Variants in OVGP1 observed in about 807,000 individuals in gnomAD.
The protein encoded by OVGP1 is oviduct-specific glycoprotein.
Under a neutral mutation model 48.2 loss-of-function variants are expected in OVGP1, and 26 were observed. That is an observed-to-expected ratio of 0.54 (90% CI 0.40 to 0.75). OVGP1 has a LOEUF of 0.75. Ranked by LOEUF, OVGP1 falls within the 30% of genes least tolerant of loss-of-function variation. OVGP1 has a pLI of 0.00. For synonymous variants in OVGP1, 294 were observed against 305.7 expected (o/e 0.96, Z 0.40); for missense variants, 791 against 820.6 (o/e 0.96, Z 0.44).
Position 111,414,633 on chromosome 1 carries a change from G to A in OVGP1, c.1868C>T (p.Ser623Phe). The change falls in exon 11 of 11, where the codon TCC becomes TTC. Residue 623 changes from serine (S) to phenylalanine (F), a missense_variant. Ser to Phe is a radical substitution (Grantham distance 155, BLOSUM62 -2). Coordinates refer to ENST00000369732, the MANE Select transcript of OVGP1 (RefSeq NM_002557.4). ...CGGGAGCTGGATGACGGGGCTGGAG[G>A]ACAGCATCATCCTGTTTTCAGCTTC... ...QMEAENRMML[S>F]SSPVIQLPEQ... is the part of the protein sequence containing the mutation. 6.2e-7 allele frequency: 1 copy of A among 1,614,192 alleles called. No homozygotes were observed. The highest frequency in any genetic ancestry group is 8.5e-7 in the Non-Finnish European group (1 of 1,180,026).
rs113457355 is a variant in OVGP1, at chr1:111,414,484, C to G, written c.2017G>C (p.Ala673Pro). ...GGGGCTTAGGCTTCTTCATCCACAG[C>G]AGAGTTTTCTGGGATTTCTTTTTTT... is the stretch of plus-strand genomic sequence containing the variant. ...SLKKEIPENSAVDEEA is the reference protein window; with the variant it reads ...SLKKEIPENSPVDEEA The change falls in exon 11 of 11, where the codon GCT (alanine) becomes CCT (proline). Residue 673 changes from alanine to proline, a missense_variant. Coordinates refer to ENST00000369732, the MANE Select transcript of OVGP1 (RefSeq NM_002557.4). 18 of 1,612,662 alleles carry G rather than the reference C, an allele frequency of 1.1e-5. No homozygotes were observed. The highest frequency in any genetic ancestry group is 1.6e-4 in the Middle Eastern group (1 of 6,076).
chr1:111,419,853 C>T, intron 8 of OVGP1, 127 bp from the exon 9 acceptor site: 1 of 660,530 alleles, frequency 1.5e-6, no homozygotes. Context: ...GAAGGTAAAC[C>T]AAAGAGAGAA....
chr1:111,427,314 A>C, intron 1 of OVGP1: 1 of 985,394 alleles, frequency 1.0e-6, no homozygotes, highest in Non-Finnish European at 1.2e-6. Context: ...AAACATGTGT[A>C]TATGCTCATG....
At chr1:111,419,996 G>A (rs1399467791) in intron 8 of OVGP1, among the ~76,000 whole-genome samples, 16 of 152,290 alleles carry the variant, frequency 1.1e-4, no homozygotes, top group Non-Finnish European at 2.9e-5. Context: ...AACCAAGCCA[G>A]GGGTATAATG....
chr1:111,419,870 G>A, intron 8 of OVGP1, 144 bp from the exon 9 acceptor site: 1 of 621,976 alleles, frequency 1.6e-6, no homozygotes, highest in Non-Finnish European at 2.9e-6. Context: ...AGAATGGAGA[G>A]GCCACTCACA....
At chr1:111,421,750 G>A in intron 6 of OVGP1, 77 bp from the exon 7 acceptor site, 2 of 877,188 alleles carry the variant, frequency 2.3e-6, no homozygotes, top group South Asian at 1.5e-5. Context: ...GCACTGTCTA[G>A]CTAACTAGCT....
At position 111,422,941 on chromosome 1, in the gene OVGP1, C is replaced by T. The variant is rs1322726140; in HGVS notation, c.594G>A (p.Val198=). The T allele has an allele frequency of 6.2e-7, 1 of 1,614,138 alleles. No individual in the cohort carries two copies. Among genetic ancestry groups the T allele is most frequent in the African/African-American group, 1.3e-5 (1 of 75,050 alleles). Residue 198 remains valine (V), a synonymous_variant, in exon 6 of 11, where the codon GTG becomes GTA. Transcript: ENST00000369732. The part of the protein sequence containing the change: ...VPHIVQTSYD[V]RFLGRLLDFI... ...TATCCACTCACCTTCCTAGAAAGCGCACATCATAGGATGTTTGGACGATGT... is the reference window on the plus strand; with the variant it reads ...TATCCACTCACCTTCCTAGAAAGCGTACATCATAGGATGTTTGGACGATGT...
intron 3 of OVGP1, 124 bp downstream of exon 3, chr1:111,426,313 C>T: frequency 1.4e-6 from 2 of 1,391,916 alleles, no homozygotes; most frequent in Admixed American, 2.1e-5. Flanking sequence ...CTCTGGACCC[C>T]TATTTGAGAG....
chr1:111,425,142 G>A (rs566828226), intron 4 of OVGP1, among the ~76,000 whole-genome samples: 2 of 152,288 alleles, frequency 1.3e-5, no homozygotes, highest in East Asian at 3.9e-4. Flanking sequence ...GCCTCATTTT[G>A]TCCCTAATTT....
intron 10 of OVGP1, among the ~76,000 whole-genome samples, 187 bp downstream of exon 10, chr1:111,416,136 G>T (rs1426289361): frequency 1.3e-5 from 2 of 152,160 alleles, no homozygotes; most frequent in Non-Finnish European, 1.5e-5. Flanking sequence ...AACAAAGGAA[G>T]CTCAAAGAGG....
Position 111,415,188 on chromosome 1 carries a change from T to C in OVGP1, c.1313A>G (p.Lys438Arg), listed in dbSNP as rs1367950539. The change falls in exon 11 of 11, where the codon AAG (lysine) becomes AGG (arginine). Residue 438 changes from lysine to arginine, a missense_variant. Physicochemically the swap from Lys to Arg is conservative, Grantham distance 26 (BLOSUM62 2). Transcript: ENST00000369732. ...GEAGVTEIHG[K>R]CENMTITPRG... ...AGGGGTTATAGTCATATTTTCACAC[T>C]TTCCGTGGATCTCAGTGACCCCAGC... 3.1e-6 allele frequency: 5 copies of C among 1,614,080 alleles called. No individual in the cohort carries two copies. The Admixed American group carries it at 5.0e-5, about 16-fold the overall frequency.
chr1:111,414,622 C>T lies in OVGP1; in HGVS notation c.1879G>A (p.Val627Ile), dbSNP rs780653753. ...GGAGTTTGTTCCGGGAGCTGGATGA[C>T]GGGGCTGGAGGACAGCATCATCCTG... ...ENRMMLSSSP[V>I]IQLPEQTPLA... The change falls in exon 11 of 11, where the codon GTC (valine) becomes ATC (isoleucine). Residue 627 changes from valine (V) to isoleucine (I), a missense_variant. Physicochemically the swap from Val to Ile is conservative, Grantham distance 29. Transcript: ENST00000369732. The T allele has an allele frequency of 1.2e-5, 20 of 1,614,024 alleles. No individual in the cohort carries two copies. The highest frequency in any genetic ancestry group is 6.7e-5 in the East Asian group (3 of 44,884).
At chr1:111,419,554 C>T in intron 9 of OVGP1, 56 bp downstream of exon 9, 1 of 996,302 alleles carries the variant, frequency 1.0e-6, no homozygotes, top group Non-Finnish European at 1.6e-6. Context: ...AAATAAGGAC[C>T]CCATAGAAAC....
rs573841344 is a variant in OVGP1 at position 111,421,565 on chromosome 1, C to A, written c.717G>T (p.Ser239=). ...CACCTGAGATCTTTCCTTTCCTTAC[C>A]GAAGATTTGGGGTCTTCAGGCAGAG... is the stretch of plus-strand genomic sequence containing the variant. The part of the protein sequence containing the change: ...LFSLPEDPKS[S]AYAMNYWRKL... The change falls in exon 7 of 11, where the codon TCG becomes TCT. Residue 239 remains serine (S), a splice_region_variant and synonymous_variant. Transcript: ENST00000369732. The A allele has an allele frequency of 3.1e-6, 5 of 1,611,410 alleles. No homozygotes were observed. In the Admixed American group the frequency reaches 6.7e-5, roughly 21 times the overall value.
intron 2 of OVGP1, 144 bp from the exon 3 acceptor site, chr1:111,426,785 C>CTA: frequency 6.5e-7 from 1 of 1,548,126 alleles, no homozygotes; most frequent in African/African-American, 1.4e-5. Context: ...CACCTCAGAA[C>CTA]TACACTGAGG....
In OVGP1 at chr1:111,415,276, C is replaced by A. The variant is rs1652106476; in HGVS notation, c.1225G>T (p.Glu409Ter). ...SAVNSSSTDP[E>*]RLAVTTAWTT... Reference sequence around the variant, plus strand: ...CATGCCGTGGTCACAGCCAGCCTTTCAGGGTCAGTGCTTGAAGAATTCACA... The same window carrying A: ...CATGCCGTGGTCACAGCCAGCCTTTAAGGGTCAGTGCTTGAAGAATTCACA... Residue 409 changes from glutamate (E) to a stop codon, truncating the protein, a stop_gained, in exon 11 of 11, where the codon GAA becomes TAA. Coordinates refer to ENST00000369732, the MANE Select transcript of OVGP1 (RefSeq NM_002557.4). LOFTEE classifies it low-confidence loss of function (END_TRUNC). The A allele has an allele frequency of 6.2e-7, 1 of 1,614,168 alleles. No individual in the cohort carries two copies. Among genetic ancestry groups the A allele is most frequent in the African/African-American group, 1.3e-5 (1 of 75,036 alleles).
Position 111,419,759 on chromosome 1 carries a change from A to G in OVGP1, c.904-33T>C, listed in dbSNP as rs182249792. The G allele has an allele frequency of 2.3e-6, 3 of 1,277,008 alleles. No homozygotes were observed. The East Asian group carries it at 6.9e-5, about 29-fold the overall frequency. 79.1% of individuals were successfully genotyped at this position (1,277,008 alleles called of 1,614,324 possible). ...GAGGACCACCAGGTTAGTTCTGGGA[A>G]GTGCCATGGAGATAAGCACCAAGAG... On this transcript the variant is annotated intron_variant, in intron 8 of 10. Coordinates refer to ENST00000369732, the MANE Select transcript of OVGP1 (RefSeq NM_002557.4).
intron 1 of OVGP1, 34 bp downstream of exon 1, chr1:111,427,663 A>C: frequency 6.2e-7 from 1 of 1,611,694 alleles, no homozygotes; most frequent in Non-Finnish European, 8.5e-7. Flanking sequence ...CACTTCCTGG[A>C]CTGAGTGACA....
intron 10 of OVGP1, 103 bp from the exon 11 acceptor site, chr1:111,415,447 C>A: frequency 9.7e-7 from 1 of 1,025,896 alleles, no homozygotes; most frequent in Non-Finnish European, 1.4e-6. Flanking sequence ...GTACCTGCTC[C>A]AAAAATTCAG....
Sources: gnomAD v4.1 joint callset for allele counts (sites outside exome capture counted in the v4.1 genomes callset) on GRCh38, gnomAD v4.1.1 for gene constraint, MANE v1.5 for transcripts, NCBI Gene and HGNC (gene_info 2026-07-23, HGNC 2026-07-21) for gene names.